Variants in CNTN5 observed in about 807,000 individuals in gnomAD.
CNTN5 encodes contactin-5.
In CNTN5, 77 loss-of-function variants were observed where a neutral mutation model predicts 129.1. The observed-to-expected ratio is 0.60, with a 90% CI of 0.50 to 0.72. CNTN5 has a LOEUF of 0.72. CNTN5 is among the 30% of genes least tolerant of loss of function. The pLI is 0.00. For synonymous variants in CNTN5, 509 were observed against 465.6 expected, an observed-to-expected ratio of 1.09 and a Z score of -1.20; for missense variants, 1,478 against 1,328.8, an observed-to-expected ratio of 1.11 and a Z score of -1.75.
At chr11:100,004,632 G>A (rs1255641795) in intron 9 of CNTN5, among the ~76,000 whole-genome samples, 1 of 152,168 alleles carries the variant, frequency 6.6e-6, no homozygotes, top group Non-Finnish European at 1.5e-5. Flanking sequence ...ATGAGCTGAA[G>A]ATCTGTGAGC....
At chr11:99,560,552 A>G (rs935539495) in intron 3 of CNTN5, among the ~76,000 whole-genome samples, 2 of 152,036 alleles carry the variant, frequency 1.3e-5, no homozygotes, top group Non-Finnish European at 2.9e-5. Flanking sequence ...CGGCCTCCCA[A>G]ACTGCTGGGA....
chr11:100,335,123 G>A (rs571496280), intron 21 of CNTN5, among the ~76,000 whole-genome samples: 24 of 151,920 alleles, frequency 1.6e-4, no homozygotes, highest in African/African-American at 5.8e-4. Context: ...GGAGATCTCT[G>A]TACCTTCCTT....
At chr11:99,920,849 A>T (rs1236702664) in intron 7 of CNTN5, among the ~76,000 whole-genome samples, 1 of 152,140 alleles carries the variant, frequency 6.6e-6, no homozygotes, top group African/African-American at 2.4e-5. Flanking sequence ...GGATTTCAAC[A>T]TACTACTTTT....
At chr11:99,451,982 G>C (rs2656178) in intron 2 of CNTN5, among the ~76,000 whole-genome samples, 2 of 151,758 alleles carry the variant, frequency 1.3e-5, no homozygotes, top group African/African-American at 2.4e-5. Flanking sequence ...AAATTGCTCC[G>C]AAGTACAAAT....
In CNTN5 at chr11:100,307,516, C is replaced by CA. The variant is rs34148781; in HGVS notation, c.2621-831dup. Among the ~76,000 whole-genome samples the CA allele has an allele frequency of 6.2e-3, 907 of 146,526 alleles. 6 individuals are homozygous for CA. Among genetic ancestry groups the CA allele is most frequent in the South Asian group, 0.017 (81 of 4,682 alleles). ...GATGCCAGTCAGAAATTGTGTATTT[C>CA]AAAAAAAAAAAATAGTGTGAAAGGT... On this transcript the variant is annotated intron_variant, in intron 20 of 24. Transcript: ENST00000524871.
intron 1 of CNTN5, among the ~76,000 whole-genome samples, chr11:99,309,811 A>G (rs1391227140): frequency 6.6e-6 from 1 of 152,154 alleles, no homozygotes; most frequent in Non-Finnish European, 1.5e-5. Context: ...TGTTTTATTA[A>G]GTTTTTTTTA....
chr11:99,856,062 T>G (rs1441981183), intron 6 of CNTN5, among the ~76,000 whole-genome samples: 4 of 152,190 alleles, frequency 2.6e-5, no homozygotes, highest in Non-Finnish European at 5.9e-5. Context: ...GGATAACAAT[T>G]CTTTCTAAGA....
intron 13 of CNTN5, among the ~76,000 whole-genome samples, chr11:100,079,547 T>G (rs2137920141): frequency 6.6e-6 from 1 of 152,318 alleles, no homozygotes; most frequent in Admixed American, 6.5e-5. Flanking sequence ...GCCGACCAAA[T>G]ATTTACTTGT....
intron 3 of CNTN5, among the ~76,000 whole-genome samples, chr11:99,763,867 C>A (rs1330077082): frequency 6.6e-6 from 1 of 151,926 alleles, no homozygotes; most frequent in Non-Finnish European, 1.5e-5. Flanking sequence ...GAAAAAAATT[C>A]TATGGGCAAA....
intron 2 of CNTN5, among the ~76,000 whole-genome samples, chr11:99,338,981 G>GTATATA (rs1555115078): frequency 2.4e-5 from 3 of 125,812 alleles, no homozygotes; most frequent in Admixed American, 7.9e-5. Context: ...GTGTGTGTGT[G>GTATATA]TATATATATA....
chr11:100,037,458 G>C (rs1942086900), intron 9 of CNTN5, among the ~76,000 whole-genome samples: 1 of 151,926 alleles, frequency 6.6e-6, no homozygotes, highest in African/African-American at 2.4e-5. Context: ...GCCCGGGTTT[G>C]GTATCAGGAT....
At chr11:100,150,258 C>T (rs1947009984) in intron 13 of CNTN5, among the ~76,000 whole-genome samples, 1 of 151,966 alleles carries the variant, frequency 6.6e-6, no homozygotes, top group Non-Finnish European at 1.5e-5. Flanking sequence ...TTTAAAAATG[C>T]ATTCTTCAGA....
chr11:100,077,872 TA>T (rs1360981870), intron 13 of CNTN5, among the ~76,000 whole-genome samples: 2 of 151,502 alleles, frequency 1.3e-5, no homozygotes, highest in Non-Finnish European at 1.5e-5. Context: ...AAGAAATATT[TA>T]AAAAAACAAA....
chr11:100,120,304 C>G (rs1394481805), intron 13 of CNTN5, among the ~76,000 whole-genome samples: 1 of 151,932 alleles, frequency 6.6e-6, no homozygotes, highest in African/African-American at 2.4e-5. Context: ...CCAATTTACA[C>G]CACCATTAAA....
chr11:99,811,486 CTATTA>C (rs551490369), intron 3 of CNTN5, among the ~76,000 whole-genome samples: 290 of 147,388 alleles, frequency 2.0e-3, no homozygotes, highest in African/African-American at 6.8e-3. Flanking sequence ...AATATTATAA[CTATTA>C]TATTTATAAT....
intron 4 of CNTN5, among the ~76,000 whole-genome samples, chr11:99,824,968 A>C (rs900137279): frequency 3.3e-5 from 5 of 152,008 alleles, no homozygotes; most frequent in African/African-American, 9.7e-5. Context: ...CGAAAATAAT[A>C]ATATAGTAAG....
chr11:99,798,164 G>T (rs1488283735), intron 3 of CNTN5, among the ~76,000 whole-genome samples: 1 of 151,946 alleles, frequency 6.6e-6, no homozygotes, highest in Non-Finnish European at 1.5e-5. Context: ...ATGTGTCCAT[G>T]TGTTCTCATC....
intron 1 of CNTN5, among the ~76,000 whole-genome samples, chr11:99,293,655 A>G (rs1864266078): frequency 6.6e-6 from 1 of 152,034 alleles, no homozygotes; most frequent in Admixed American, 6.5e-5. Flanking sequence ...TGAAGGTTGT[A>G]TATGTTCACA....
At chr11:99,426,548 T>C (rs2135081150) in intron 2 of CNTN5, among the ~76,000 whole-genome samples, 1 of 152,336 alleles carries the variant, frequency 6.6e-6, no homozygotes, top group South Asian at 2.1e-4. Flanking sequence ...TTTTTTTAAT[T>C]AAAGAGTGGT....
Sources: allele counts gnomAD v4.1 joint callset (sites outside exome capture counted in the v4.1 genomes callset), GRCh38; gene constraint gnomAD v4.1.1; transcripts MANE v1.5; gene names NCBI Gene and HGNC (gene_info 2026-07-23, HGNC 2026-07-21).